EEF2: variants seen among roughly 807,000 people sequenced by gnomAD.
EEF2 encodes eukaryotic translation elongation factor 2, also known as elongation factor 2.
Under a neutral mutation model 85.3 loss-of-function variants are expected in EEF2, and 21 were observed. That is an observed-to-expected ratio of 0.25 (90% confidence interval 0.17 to 0.35). EEF2 has a LOEUF of 0.35. Ranked by LOEUF, EEF2 falls within the 10% of genes least tolerant of loss-of-function variation. The pLI is 1.00. For synonymous variants in EEF2, 723 were observed against 508.8 expected (o/e 1.42, Z -5.67); for missense variants, 825 against 1,225.3 (o/e 0.67, Z 4.88).
In EEF2 at chr19:3,980,683, G is replaced by A. The variant is rs1279122963; in HGVS notation, c.1177C>T (p.Pro393Ser). Residue 393 changes from proline to serine, a missense_variant, in exon 9 of 15, where the codon CCT (proline) becomes TCT (serine). Pro to Ser is a moderately conservative substitution (Grantham distance 74, BLOSUM62 -1). Transcript: ENST00000309311. The part of the protein sequence containing the change: ...MGIKSCDPKG[P>S]LMMYISKMVP... ...ATTTTGGAAATATACATCATAAGAGGGCCTTTGGGGTCACAGCTTTTAATG... is the reference window on the plus strand; with the variant it reads ...ATTTTGGAAATATACATCATAAGAGAGCCTTTGGGGTCACAGCTTTTAATG... 1.2e-6 allele frequency: 2 copies of A among 1,613,790 alleles called. No individual in the cohort carries two copies. Among genetic ancestry groups the A allele is most frequent in the Non-Finnish European group, 1.7e-6 (2 of 1,179,716 alleles).
intron 5 of EEF2, 26 bp downstream of exon 5, chr19:3,982,220 C>A (rs367733834): frequency 5.0e-6 from 8 of 1,611,654 alleles, no homozygotes; most frequent in East Asian, 2.2e-5. Flanking sequence ...TGTCAGGAAT[C>A]CCCCACCATA....
In EEF2 at chr19:3,981,932, G is replaced by A. The variant is rs374895669; in HGVS notation, c.897+15C>T. ...TAGTCGCATCGGCGGGGTGCCTGGC[G>A]CAGCCCTCACTCACCTTGAAGATGG... On this transcript the variant is annotated intron_variant, in intron 6 of 14. Coordinates refer to ENST00000309311, the MANE Select transcript of EEF2 (RefSeq NM_001961.4). 1.3e-5 allele frequency: 21 copies of A among 1,611,094 alleles called. No homozygotes were observed. The East Asian group carries it at 3.3e-4, about 26-fold the overall frequency.
chr19:3,981,119 C>G lies in EEF2; in HGVS notation c.1012-140G>C, dbSNP rs978941941. ...AAGCACAGTCCCTTCTGGAAGGCGG[C>G]AAAGGCCATGCACACTCCTGCCAAG... On this transcript the variant is annotated intron_variant, in intron 7 of 14. Transcript: ENST00000309311. 14 of 1,379,416 alleles carry G rather than the reference C, an allele frequency of 1.0e-5. No homozygotes were observed. The African/African-American group carries it at 1.7e-4, about 17-fold the overall frequency. The allele number at this position is 1,379,416 out of a possible 1,614,324, so 85.4% of individuals were successfully genotyped here. A position where few individuals can be genotyped will look rare whatever the true frequency, so the allele number is the denominator to read the frequency against.
chr19:3,983,349 C>A (rs2145366129), intron 2 of EEF2, 58 bp from the exon 3 acceptor site: 1 of 1,556,092 alleles, frequency 6.4e-7, no homozygotes, highest in Non-Finnish European at 8.7e-7. Flanking sequence ...CCCAGGGAGT[C>A]TGGGATGCTG....
Position 3,978,027 on chromosome 19 carries a change from C to T in EEF2, c.1859G>A (p.Gly620Asp). ...GAGCTCCTGACGGGCGGACACCTCG[C>T]CTTTATCGATGTCCTCGGCCAGGCC... Reference protein sequence around the residue: ...PDGLAEDIDKGEVSARQELKQ... With the variant: ...PDGLAEDIDKDEVSARQELKQ... Residue 620 changes from glycine to aspartate, a missense_variant, in exon 12 of 15, where the codon GGC becomes GAC. Coordinates refer to ENST00000309311, the MANE Select transcript of EEF2 (RefSeq NM_001961.4). 6.2e-7 allele frequency: 1 copy of T among 1,606,118 alleles called. No individual in the cohort carries two copies. Among genetic ancestry groups the T allele is most frequent in the Non-Finnish European group, 8.5e-7 (1 of 1,174,864 alleles).
chr19:3,982,673 C>G (rs2039769128), intron 4 of EEF2, 134 bp downstream of exon 4: 3 of 1,166,070 alleles, frequency 2.6e-6, no homozygotes, highest in East Asian at 2.5e-5. Flanking sequence ...TGAAAACATT[C>G]CAGCCCCCTT....
At chr19:3,978,395 G>A (rs1037870696) in intron 11 of EEF2, among the ~76,000 whole-genome samples, 1 of 152,156 alleles carries the variant, frequency 6.6e-6, no homozygotes, top group African/African-American at 2.4e-5. Context: ...AGAAACCACG[G>A]GCTTGTGGAA....
At chr19:3,979,524 C>T (rs1216811386) in intron 10 of EEF2, 88 bp from the exon 11 acceptor site, 23 of 1,184,736 alleles carry the variant, frequency 1.9e-5, no homozygotes, top group Admixed American at 8.7e-5. Context: ...CTAGGGACCC[C>T]GCCAGAACAA....
intron 9 of EEF2, among the ~76,000 whole-genome samples, chr19:3,980,273 C>T (rs755739339): frequency 4.6e-5 from 7 of 152,230 alleles, no homozygotes; most frequent in African/African-American, 1.7e-4. Flanking sequence ...TATGGGTCGA[C>T]GGCCGCCACC....
intron 6 of EEF2, 55 bp from the exon 7 acceptor site, chr19:3,981,507 C>G: frequency 1.3e-6 from 2 of 1,499,072 alleles, no homozygotes; most frequent in Non-Finnish European, 9.3e-7. Context: ...AGGAGGAAGC[C>G]TGGCACTGCT....
Position 3,983,038 on chromosome 19 carries a change from G to A in EEF2, c.401-20C>T, listed in dbSNP as rs779169745. 1.2e-6 allele frequency: 2 copies of A among 1,611,906 alleles called. No homozygotes were observed. The highest frequency in any genetic ancestry group is 1.3e-5 in the African/African-American group (1 of 74,900). ...ACACGCCTGGGGACACGGGGGACAG[G>A]GCGGCGCTGTCATCCTCAAGCAAGG... is the stretch of plus-strand genomic sequence containing the variant. On this transcript the variant is annotated intron_variant, in intron 3 of 14. Coordinates refer to ENST00000309311, the MANE Select transcript of EEF2 (RefSeq NM_001961.4).
chr19:3,979,952 G>A lies in EEF2; in HGVS notation c.1461C>T (p.Thr487=), dbSNP rs780521912. 8.1e-6 allele frequency: 13 copies of A among 1,613,968 alleles called. No individual in the cohort carries two copies. The highest frequency in any genetic ancestry group is 5.5e-5 in the South Asian group (5 of 91,090). The part of the protein sequence containing the change: ...QFLVKTGTIT[T]FEHAHNMRVM... ...CCCGCATGTTGTGCGCGTGCTCGAA[G>A]GTGGTGATGGTGCCCGTCTTCACCA... The change falls in exon 10 of 15, where the codon ACC becomes ACT. Residue 487 remains threonine, a synonymous_variant. Transcript: ENST00000309311.
In EEF2 at chr19:3,977,582, C is replaced by A; in HGVS notation, c.2096G>T (p.Gly699Val). Residue 699 changes from glycine (G) to valine (V), a missense_variant, in exon 13 of 15, where the codon GGT becomes GTT. By Grantham distance (109) the Gly-to-Val change is moderately radical (BLOSUM62 -3). Transcript: ENST00000309311. This position sits in a 1 kb window ranked among gnomAD's most constrained non-coding sequence, Gnocchi z 5.4. Reference protein sequence around the residue: ...EGALCEENMRGVRFDVHDVTL... With the variant: ...EGALCEENMRVVRFDVHDVTL... ...GACGTCGTGGACGTCGAAGCGCACA[C>A]CCCGCATGTTCTCCTCACACAGTGC... 6.4e-7 allele frequency: 1 copy of A among 1,555,156 alleles called. No individual in the cohort carries two copies. Among genetic ancestry groups the A allele is most frequent in the Admixed American group, 1.8e-5 (1 of 54,378 alleles).
At chr19:3,981,156 C>T (rs1459943212) in intron 7 of EEF2, among the ~76,000 whole-genome samples, 177 bp from the exon 8 acceptor site, 1 of 152,282 alleles carries the variant, frequency 6.6e-6, no homozygotes, top group Non-Finnish European at 1.5e-5. Flanking sequence ...CCCTCACCCA[C>T]ACCTGTCCCG....
intron 2 of EEF2, 83 bp from the exon 3 acceptor site, chr19:3,983,374 G>A (rs556609469): frequency 1.7e-5 from 25 of 1,442,500 alleles, no homozygotes; most frequent in Admixed American, 6.1e-5. Context: ...AAGCCAGGCT[G>A]CTCCTCCCTC....
At position 3,979,712 on chromosome 19, in the gene EEF2, A is replaced by T. The variant is rs960086204; in HGVS notation, c.1605+96T>A. The T allele has an allele frequency of 2.0e-6, 3 of 1,524,996 alleles. No homozygotes were observed. The African/African-American group carries it at 4.1e-5, about 21-fold the overall frequency. The allele number at this position is 1,524,996 out of a possible 1,614,324, so 94.5% of individuals were successfully genotyped here. Reference sequence around the variant, plus strand: ...CCCTCCTTTCATGACCAGTCACCCCAATCCACCAACCACAGCAACCCACAC... The same window carrying T: ...CCCTCCTTTCATGACCAGTCACCCCTATCCACCAACCACAGCAACCCACAC... On this transcript the variant is annotated intron_variant, in intron 10 of 14. Coordinates refer to ENST00000309311, the MANE Select transcript of EEF2 (RefSeq NM_001961.4).
chr19:3,981,578 G>C, intron 6 of EEF2, 126 bp from the exon 7 acceptor site: 1 of 900,744 alleles, frequency 1.1e-6, no homozygotes, highest in East Asian at 2.4e-5. Context: ...GAGCAGGCCT[G>C]GCCTGCCTAC....
At position 3,982,981 on chromosome 19, in the gene EEF2, G is replaced by C. The variant is rs768381477; in HGVS notation, c.438C>G (p.Ala146=). ...CVQTETVLRQ[A]IAERIKPVLM... ...GCACAGGCTTGATGCGCTCGGCAATGGCCTGCCGCAGCACTGTCTCCGTCT... is the reference window on the plus strand; with the variant it reads ...GCACAGGCTTGATGCGCTCGGCAATCGCCTGCCGCAGCACTGTCTCCGTCT... Residue 146 remains alanine (A), a synonymous_variant, in exon 4 of 15, where the codon GCC becomes GCG. Coordinates refer to ENST00000309311, the MANE Select transcript of EEF2 (RefSeq NM_001961.4). 5 of 1,612,480 alleles carry C rather than the reference G, an allele frequency of 3.1e-6. No homozygotes were observed. The highest frequency in any genetic ancestry group is 3.4e-6 in the Non-Finnish European group (4 of 1,179,978).
At position 3,982,873 on chromosome 19, in the gene EEF2, C is replaced by A. The variant is rs748255844; in HGVS notation, c.546G>T (p.Val182=). 2 of 1,613,720 alleles carry A rather than the reference C, an allele frequency of 1.2e-6. No individual in the cohort carries two copies. Among genetic ancestry groups the A allele is most frequent in the Admixed American group, 1.7e-5 (1 of 60,010 alleles). The change falls in exon 4 of 15, where the codon GTG becomes GTT. Residue 182 remains valine (V), a synonymous_variant. Transcript: ENST00000309311. The stretch of plus-strand genomic sequence containing the variant: ...TGGAGATGATGACGTTCACGTTCTC[C>A]ACGATGCGCTGGAAAGTCTGGTAGA... ...EELYQTFQRI[V]ENVNVIISTY...
Sources: gnomAD v4.1 joint callset for allele counts (sites outside exome capture counted in the v4.1 genomes callset) on GRCh38, gnomAD v4.1.1 for gene constraint, Gnocchi (gnomAD v3.1) non-coding constraint, MANE v1.5 for transcripts, NCBI Gene and HGNC (gene_info 2026-07-23, HGNC 2026-07-21) for gene names.